The following NRG3 variants were observed in gnomAD, a reference collection of about 807,000 sequenced individuals.
NRG3 encodes pro-neuregulin-3, membrane-bound isoform.
In NRG3, 31 loss-of-function variants were observed where a neutral mutation model predicts 66.9. The observed-to-expected ratio is 0.46, with a 90% confidence interval of 0.35 to 0.63. The LOEUF (loss-of-function observed/expected upper bound fraction) is 0.63, where lower values mean the gene tolerates loss of function less well. Ranked by LOEUF, NRG3 falls within the 20% of genes least tolerant of loss-of-function variation. The probability of loss-of-function intolerance (pLI) is 0.00; values close to 1 mark genes in which losing one functional copy is unlikely to be tolerated. For synonymous variants in NRG3, 393 were observed against 359.4 expected, an observed-to-expected ratio of 1.09 and a Z score of -1.06; for missense variants, 910 against 878.9, an observed-to-expected ratio of 1.04 and a Z score of -0.45.
At chr10:82,643,983 G>A (rs537543763) in intron 2 of NRG3, among the ~76,000 whole-genome samples, 3 of 151,862 alleles carry the variant, frequency 2.0e-5, no homozygotes, top group Admixed American at 2.0e-4. Context: ...CAGTAAAAAA[G>A]CAGATTGGAA....
intron 1 of NRG3, among the ~76,000 whole-genome samples, chr10:82,340,168 C>T (rs1038060707): frequency 2.0e-5 from 3 of 152,072 alleles, no homozygotes; most frequent in African/African-American, 7.2e-5. Flanking sequence ...CTGTTATAAT[C>T]TCAGTTTCTC....
intron 2 of NRG3, among the ~76,000 whole-genome samples, chr10:82,408,046 CGAGAGAGAGA>C (rs536927208): frequency 0.011 from 579 of 54,358 alleles, 12 homozygotes; most frequent in African/African-American, 0.043. Context: ...AAGACTACAT[CGAGAGAGAGA>C]GAGAGAGAGA....
intron 3 of NRG3, among the ~76,000 whole-genome samples, chr10:82,789,474 C>G (rs1407005392): frequency 6.6e-6 from 1 of 151,972 alleles, no homozygotes; most frequent in South Asian, 2.1e-4. Flanking sequence ...GTTTATTTTG[C>G]CTGATATTAG....
chr10:82,581,166 G>T (rs2046336092), intron 2 of NRG3, among the ~76,000 whole-genome samples: 1 of 151,098 alleles, frequency 6.6e-6, no homozygotes, highest in Non-Finnish European at 1.5e-5. Context: ...ATCTCATTTT[G>T]CAATTCACTA....
chr10:81,931,613 T>G (rs1338191158), intron 1 of NRG3, among the ~76,000 whole-genome samples: 1 of 152,202 alleles, frequency 6.6e-6, no homozygotes. Context: ...ACCTTGAGAT[T>G]TATCACCTGA....
At chr10:82,794,903 A>G (rs2060734451) in intron 3 of NRG3, among the ~76,000 whole-genome samples, 1 of 152,188 alleles carries the variant, frequency 6.6e-6, no homozygotes, top group Non-Finnish European at 1.5e-5. Flanking sequence ...CAAATGTAAT[A>G]TTGGTGACAG....
intron 2 of NRG3, among the ~76,000 whole-genome samples, chr10:82,451,200 T>C (rs2091004795): frequency 6.6e-6 from 1 of 152,124 alleles, no homozygotes; most frequent in African/African-American, 2.4e-5. Flanking sequence ...AATTAGAAAC[T>C]GAAATGCAGG....
chr10:82,013,761 TTA>T (rs1276030860), intron 1 of NRG3, among the ~76,000 whole-genome samples: 2 of 152,180 alleles, frequency 1.3e-5, no homozygotes, highest in African/African-American at 4.8e-5. Context: ...CTACATGCAA[TTA>T]TATGTCTAAT....
intron 2 of NRG3, among the ~76,000 whole-genome samples, chr10:82,676,045 T>C (rs2053658720): frequency 6.6e-6 from 1 of 152,188 alleles, no homozygotes; most frequent in Admixed American, 6.5e-5. Flanking sequence ...TCTCATTCAA[T>C]AATAGAAACA....
chr10:81,933,426 T>G (rs1005231577), intron 1 of NRG3, among the ~76,000 whole-genome samples: 1 of 152,162 alleles, frequency 6.6e-6, no homozygotes, highest in African/African-American at 2.4e-5. Flanking sequence ...GATTCAATTA[T>G]TATTATTATT....
At chr10:82,185,858 G>A (rs1322494455) in intron 1 of NRG3, among the ~76,000 whole-genome samples, 1 of 152,108 alleles carries the variant, frequency 6.6e-6, no homozygotes. Context: ...TTCGAGTTAG[G>A]TTTATCATTC....
chr10:82,528,765 A>G (rs1167242266), intron 2 of NRG3, among the ~76,000 whole-genome samples: 1 of 152,062 alleles, frequency 6.6e-6, no homozygotes, highest in Non-Finnish European at 1.5e-5. Context: ...GCTTTTTTCT[A>G]TTAGTGAGTG....
At chr10:82,694,172 G>A (rs192641407) in intron 2 of NRG3, among the ~76,000 whole-genome samples, 66 of 151,204 alleles carry the variant, frequency 4.4e-4, no homozygotes, top group African/African-American at 1.4e-3. Context: ...TGGTTGGTGC[G>A]TTTTTACAGA....
intron 2 of NRG3, among the ~76,000 whole-genome samples, chr10:82,567,850 T>C (rs2045506674): frequency 6.6e-6 from 1 of 151,904 alleles, no homozygotes. Context: ...AACTAATTAA[T>C]GAACTCATAT....
intron 3 of NRG3, among the ~76,000 whole-genome samples, chr10:82,756,493 C>G (rs921480218): frequency 6.6e-6 from 1 of 152,016 alleles, no homozygotes; most frequent in Admixed American, 6.6e-5. Flanking sequence ...GTATGTAGTT[C>G]GTAGTATACA....
intron 2 of NRG3, among the ~76,000 whole-genome samples, chr10:82,698,350 G>A (rs2055563685): frequency 6.6e-6 from 1 of 151,936 alleles, no homozygotes; most frequent in African/African-American, 2.4e-5. Context: ...TAAAGAAGCA[G>A]GAAAATTACA....
At chr10:82,361,900 A>G (rs1279990754) in intron 2 of NRG3, among the ~76,000 whole-genome samples, 5 of 151,914 alleles carry the variant, frequency 3.3e-5, no homozygotes, top group Non-Finnish European at 1.5e-5. Flanking sequence ...CTAAATCTGA[A>G]AGAAATTAAA....
At chr10:82,303,823 CA>C (rs1158388220) in intron 1 of NRG3, among the ~76,000 whole-genome samples, 1 of 152,034 alleles carries the variant, frequency 6.6e-6, no homozygotes, top group Non-Finnish European at 1.5e-5. Context: ...GCCAAGATCA[CA>C]CCACTGCACA....
At chr10:82,593,821 A>C (rs145051769) in intron 2 of NRG3, among the ~76,000 whole-genome samples, 4 of 151,918 alleles carry the variant, frequency 2.6e-5, no homozygotes, top group Admixed American at 6.6e-5. Flanking sequence ...GTTTTAATAC[A>C]TATATATTTC....
Sources: allele counts gnomAD v4.1 joint callset (sites outside exome capture counted in the v4.1 genomes callset), GRCh38; gene constraint gnomAD v4.1.1; transcripts MANE v1.5; gene names NCBI Gene and HGNC (gene_info 2026-07-23, HGNC 2026-07-21).